Variants in DDX17 observed in about 807,000 individuals in gnomAD.
The protein encoded by DDX17 is probable ATP-dependent RNA helicase DDX17.
A neutral mutation model predicts 80.8 loss-of-function variants in DDX17; 10 were observed. The observed-to-expected ratio is 0.12, with a 90% CI of 0.08 to 0.21. DDX17 has a LOEUF of 0.21. Among genes scored for constraint, DDX17 ranks in the 10% least tolerant of loss-of-function variants. The probability of loss-of-function intolerance (pLI) is 1.00; values close to 1 mark genes in which losing one functional copy is unlikely to be tolerated. For synonymous variants in DDX17, 339 were observed against 336.2 expected (o/e 1.01, Z -0.09); for missense variants, 586 against 957.4 (o/e 0.61, Z 5.12).
chr22:38,505,887 GC>G, intron 1 of DDX17, 63 bp downstream of exon 1: 2 of 1,513,716 alleles, frequency 1.3e-6, no homozygotes, highest in Non-Finnish European at 1.8e-6. Context: ...AGTCCGCCGG[GC>G]CTCCCCAAGA....
intron 12 of DDX17, among the ~76,000 whole-genome samples, chr22:38,487,139 G>A (rs5757105): frequency 9.2e-5 from 14 of 152,300 alleles, no homozygotes; most frequent in Non-Finnish European, 1.8e-4. Context: ...CTGCACTCCA[G>A]TCTGGGCAAC....
At chr22:38,505,630 G>C in intron 1 of DDX17, 1 of 294,402 alleles carries the variant, frequency 3.4e-6, no homozygotes, top group Non-Finnish European at 6.2e-6. Flanking sequence ...CGGGAAACCA[G>C]GCGAGGCGCC....
rs773821502 is a variant in DDX17 at position 38,499,449 on chromosome 22, T to G, written c.489A>C (p.Gly163=). Reference sequence around the variant, plus strand: ...CAAACACGGGTTTAGGACAAACATCTCCCCCCCTCACTGTAATCTCCTTCT... The same window carrying G: ...CAAACACGGGTTTAGGACAAACATCGCCCCCCCTCACTGTAATCTCCTTCT... The change falls in exon 3 of 13, where the codon GGA becomes GGC. Residue 163 remains glycine (G), a synonymous_variant. Coordinates refer to ENST00000403230, the MANE Select transcript of DDX17 (RefSeq NM_006386.5). 3.7e-6 allele frequency: 6 copies of G among 1,613,574 alleles called. No individual in the cohort carries two copies. In the East Asian group the frequency reaches 1.3e-4, roughly 36 times the overall value.
At chr22:38,488,684 CTT>C (rs1487726455) in intron 11 of DDX17, 4 of 987,740 alleles carry the variant, frequency 4.0e-6, no homozygotes, top group African/African-American at 3.5e-5. Context: ...TTTTTTTGCT[CTT>C]ATCTTTTTAA....
At position 38,484,292 on chromosome 22, in the gene DDX17, T is replaced by G. The variant is rs918941650; in HGVS notation, c.*1643A>C. On this transcript the variant is annotated 3_prime_UTR_variant, in exon 13 of 13. Transcript: ENST00000403230. The stretch of plus-strand genomic sequence containing the variant: ...TAAAGTTAAGAAGAAAGTGGAAAAT[T>G]AAAAAAAAAGATGTCAAAGTTTTTA... 6.6e-6 allele frequency: 1 copy of G among 151,298 alleles called. No individual in the cohort carries two copies. The highest frequency in any genetic ancestry group is 2.4e-5 in the African/African-American group (1 of 41,076). The allele number at this position is 151,298 out of a possible 1,614,324, so 9.4% of individuals were successfully genotyped here.
At chr22:38,487,830 T>C (rs1569137119) in intron 12 of DDX17, 49 bp downstream of exon 12, 1 of 1,607,652 alleles carries the variant, frequency 6.2e-7, no homozygotes, top group Admixed American at 1.7e-5. Flanking sequence ...ACAGAAGGCG[T>C]AAAGAGATAC....
intron 5 of DDX17, 42 bp from the exon 6 acceptor site, chr22:38,495,979 T>TAA (rs201173235): frequency 0.045 from 36,043 of 797,548 alleles, 393 homozygotes; most frequent in African/African-American, 0.12. Context: ...ATCCAAGGTT[T>TAA]AAAAAAAAAA....
intron 12 of DDX17, among the ~76,000 whole-genome samples, chr22:38,486,696 A>G (rs2089663323): frequency 6.6e-6 from 1 of 152,186 alleles, no homozygotes; most frequent in African/African-American, 2.4e-5. Flanking sequence ...ATGATCAAGA[A>G]ACACGGTATT....
In DDX17 at chr22:38,486,205, A is replaced by G. The variant is rs2037591058; in HGVS notation, c.1920T>C (p.Tyr640=). The G allele has an allele frequency of 6.2e-7, 1 of 1,613,910 alleles. No individual in the cohort carries two copies. Among genetic ancestry groups the G allele is most frequent in the African/African-American group, 1.3e-5 (1 of 74,924 alleles). The change falls in exon 13 of 13, where the codon TAT becomes TAC. Residue 640 remains tyrosine (Y), a synonymous_variant. Transcript: ENST00000403230. ...TACTGGTGCCATAAGCAGCTGCCCCATAGGTGCCTTGACCATAGGTGTATT... is the reference window on the plus strand; with the variant it reads ...TACTGGTGCCATAAGCAGCTGCCCCGTAGGTGCCTTGACCATAGGTGTATT...
intron 1 of DDX17, 95 bp downstream of exon 1, chr22:38,505,856 G>A (rs984004922): frequency 1.4e-6 from 2 of 1,446,008 alleles, no homozygotes; most frequent in Admixed American, 2.3e-5. Flanking sequence ...CCCGGGTCGA[G>A]AGCAAGGCTC....
intron 2 of DDX17, 127 bp downstream of exon 2, chr22:38,501,003 T>C: frequency 7.7e-7 from 1 of 1,297,706 alleles, no homozygotes; most frequent in Admixed American, 3.2e-5. Context: ...ACCAAAAAAT[T>C]TTTTAAGAAA....
chr22:38,491,938 A>T, intron 11 of DDX17, 118 bp downstream of exon 11: 1 of 619,832 alleles, frequency 1.6e-6, no homozygotes, highest in Non-Finnish European at 2.6e-6. Context: ...TTTCTTTCAA[A>T]TATTTATCTA....
intron 1 of DDX17, 37 bp downstream of exon 1, chr22:38,505,914 C>T: frequency 1.3e-6 from 2 of 1,531,802 alleles, no homozygotes; most frequent in Non-Finnish European, 8.8e-7. Flanking sequence ...CTCCCCCACC[C>T]CCACGCCAGG....
rs979265872 is a variant in DDX17, at chr22:38,483,648, A to C, written c.*2287T>G. On this transcript the variant is annotated 3_prime_UTR_variant, in exon 13 of 13. Coordinates refer to ENST00000403230, the MANE Select transcript of DDX17 (RefSeq NM_006386.5). ...ATAGAGAGCACTGATCCCAAGCAAA[A>C]GCCACTAACCTTTTAGATGAGAAGT... The C allele has an allele frequency of 4.6e-5, 7 of 152,646 alleles. No individual in the cohort carries two copies. The highest frequency in any genetic ancestry group is 7.3e-5 in the Non-Finnish European group (5 of 68,052). 9.5% of individuals were successfully genotyped at this position (152,646 alleles called of 1,614,324 possible).
At chr22:38,503,886 A>G (rs2089854852) in intron 1 of DDX17, among the ~76,000 whole-genome samples, 1 of 152,244 alleles carries the variant, frequency 6.6e-6, no homozygotes, top group Admixed American at 6.5e-5. Flanking sequence ...ATAATCAAGA[A>G]CATTTCTTGG....
chr22:38,489,656 G>C lies in DDX17; in HGVS notation c.1448-1541C>G, dbSNP rs1341847376. On this transcript the variant is annotated intron_variant, in intron 11 of 12. Coordinates refer to ENST00000403230, the MANE Select transcript of DDX17 (RefSeq NM_006386.5). The surrounding 1 kb of genome is among the most constrained non-coding windows in gnomAD (Gnocchi z 4.6). ...AAAATTAGCTGTTGTTACAGGGCTT[G>C]TGAAGAAGGGGCATTATGTCTGTTT... 2.0e-6 allele frequency: 2 copies of C among 985,352 alleles called. No homozygotes were observed. Among genetic ancestry groups the C allele is most frequent in the Non-Finnish European group, 2.4e-6 (2 of 829,922 alleles). 61.0% of individuals were successfully genotyped at this position (985,352 alleles called of 1,614,324 possible).
rs1250222297 is a variant in DDX17 at position 38,484,328 on chromosome 22, T to G, written c.*1607A>C. The G allele has an allele frequency of 6.6e-6, 1 of 152,378 alleles. No homozygotes were observed. The highest frequency in any genetic ancestry group is 2.4e-5 in the African/African-American group (1 of 41,452). The allele number at this position is 152,378 out of a possible 1,614,324, so 9.4% of individuals were successfully genotyped here. On this transcript the variant is annotated 3_prime_UTR_variant, in exon 13 of 13. Coordinates refer to ENST00000403230, the MANE Select transcript of DDX17 (RefSeq NM_006386.5). ...ATGTCAAAGTTTTTACATGCATATATTTCAGCTTATGCTGAAGACCTACCT... is the reference window on the plus strand; with the variant it reads ...ATGTCAAAGTTTTTACATGCATATAGTTCAGCTTATGCTGAAGACCTACCT...
At chr22:38,497,634 A>AG (rs1555926001) in intron 5 of DDX17, among the ~76,000 whole-genome samples, 5 of 149,890 alleles carry the variant, frequency 3.3e-5, no homozygotes, top group South Asian at 4.3e-4. Context: ...AAAAAAAAAA[A>AG]AAAGAAAGAA....
At chr22:38,495,728 C>A in intron 6 of DDX17, 68 bp downstream of exon 6, 1 of 1,327,648 alleles carries the variant, frequency 7.5e-7, no homozygotes. Context: ...CTTTTTTTCT[C>A]CAATTTCCTC....
Sources: allele counts gnomAD v4.1 joint callset (sites outside exome capture counted in the v4.1 genomes callset), GRCh38; gene constraint gnomAD v4.1.1; non-coding constraint Gnocchi (gnomAD v3.1); transcripts MANE v1.5; gene names NCBI Gene and HGNC (gene_info 2026-07-23, HGNC 2026-07-21).